FIG4: variants seen among roughly 807,000 people sequenced by gnomAD.
FIG4 encodes polyphosphoinositide phosphatase.
A neutral mutation model predicts 118.6 loss-of-function variants in FIG4; 112 were observed. The observed-to-expected ratio is 0.94, with a 90% CI of 0.81 to 1.11. FIG4 has a LOEUF of 1.11. Among genes scored for constraint, FIG4 ranks in the 50% least tolerant of loss-of-function variants. The pLI is 0.00. For missense variants in FIG4, 969 were observed against 1,111.7 expected (o/e 0.87, Z 1.83); for synonymous variants, 369 against 381.2 (o/e 0.97, Z 0.37).
At chr6:109,782,192 GT>G (rs1380051091) in intron 16 of FIG4, among the ~76,000 whole-genome samples, 5 of 152,156 alleles carry the variant, frequency 3.3e-5, no homozygotes, top group African/African-American at 1.2e-4. Context: ...GCAATCTCCT[GT>G]TTTCTGATCC....
At chr6:109,707,408 CATATAT>C (rs971965187) in intron 1 of FIG4, among the ~76,000 whole-genome samples, 7 of 146,922 alleles carry the variant, frequency 4.8e-5, no homozygotes, top group African/African-American at 1.5e-4. Context: ...CATACATATA[CATATAT>C]ACCTATACAT....
At chr6:109,768,253 T>TAC (rs2128392949) in intron 15 of FIG4, among the ~76,000 whole-genome samples, 1 of 152,182 alleles carries the variant, frequency 6.6e-6, no homozygotes, top group East Asian at 1.9e-4. Flanking sequence ...AAACACTGGA[T>TAC]ACCTAAGGAG....
intron 22 of FIG4, among the ~76,000 whole-genome samples, chr6:109,816,940 G>C (rs1276103937): frequency 1.3e-5 from 2 of 152,218 alleles, no homozygotes; most frequent in African/African-American, 4.8e-5. Flanking sequence ...GAGTTTCCAG[G>C]AGTGACAGCA....
chr6:109,708,393 T>C (rs1248419308), intron 1 of FIG4, among the ~76,000 whole-genome samples: 1 of 152,248 alleles, frequency 6.6e-6, no homozygotes, highest in Non-Finnish European at 1.5e-5. Context: ...GTTGAATCCA[T>C]GTCTTTGCTA....
At chr6:109,759,456 T>C (rs1474009301) in intron 10 of FIG4, among the ~76,000 whole-genome samples, 1 of 152,198 alleles carries the variant, frequency 6.6e-6, no homozygotes, top group Non-Finnish European at 1.5e-5. Context: ...TCTGTCTCAT[T>C]TAAGTCTCAC....
Position 109,793,669 on chromosome 6 carries a change from T to C in FIG4, c.2459+1005T>C, listed in dbSNP as rs548136794. ...AAAATGTAAATTGTATAATATAAAA[T>C]GAGCACTGATCTTCAGTTATTTTTA... On this transcript the variant is annotated intron_variant, in intron 21 of 22. Coordinates refer to ENST00000230124, the MANE Select transcript of FIG4 (RefSeq NM_014845.6). Among the ~76,000 whole-genome samples, 325 of 152,342 alleles carry C rather than the reference T, an allele frequency of 2.1e-3. 2 individuals carry two copies. Among genetic ancestry groups the C allele is most frequent in the African/African-American group, 7.6e-3 (316 of 41,572 alleles).
intron 15 of FIG4, among the ~76,000 whole-genome samples, chr6:109,769,654 C>T (rs981598497): frequency 6.6e-6 from 1 of 151,080 alleles, no homozygotes; most frequent in African/African-American, 2.4e-5. Flanking sequence ...GGCACAGTGG[C>T]TCACACTTGT....
intron 22 of FIG4, among the ~76,000 whole-genome samples, chr6:109,806,582 A>G (rs866517335): frequency 6.6e-6 from 1 of 151,686 alleles, no homozygotes; most frequent in Non-Finnish European, 1.5e-5. Flanking sequence ...CTCTGATTTT[A>G]TAAGGAGTCC....
intron 22 of FIG4, among the ~76,000 whole-genome samples, chr6:109,815,157 G>A (rs1293721367): frequency 1.3e-5 from 2 of 151,860 alleles, no homozygotes; most frequent in Non-Finnish European, 2.9e-5. Flanking sequence ...CATTACCCTC[G>A]TTATGTTTAT....
At position 109,703,299 on chromosome 6, in the gene FIG4, G is replaced by GT. The variant is rs371886029; in HGVS notation, c.67-11770dup. 3.3e-3 allele frequency among the ~76,000 whole-genome samples: 502 copies of GT among 151,094 alleles called. 1 individual carries two copies. Among genetic ancestry groups the GT allele is most frequent in the African/African-American group, 1.0e-2 (411 of 41,162 alleles). On this transcript the variant is annotated intron_variant, in intron 1 of 22. Coordinates refer to ENST00000230124, the MANE Select transcript of FIG4 (RefSeq NM_014845.6). ...GTTCTTGATCTTTAGTTTGAAGCTTGTTTTTTTTTCTTTTCAGAAGCTGTG... is the reference window on the plus strand; with the variant it reads ...GTTCTTGATCTTTAGTTTGAAGCTTGTTTTTTTTTTCTTTTCAGAAGCTGTG...
intron 15 of FIG4, among the ~76,000 whole-genome samples, chr6:109,769,917 T>G (rs751129770): frequency 2.0e-5 from 3 of 152,286 alleles, no homozygotes; most frequent in South Asian, 2.1e-4. Flanking sequence ...AGACTGTCTC[T>G]CAAAAAACAA....
Position 109,738,454 on chromosome 6 carries a change from G to A in FIG4, c.775+1G>A. The A allele has an allele frequency of 6.2e-7, 1 of 1,612,244 alleles. No individual in the cohort carries two copies. The highest frequency in any genetic ancestry group is 1.1e-5 in the South Asian group (1 of 91,064). On this transcript the variant is annotated splice_donor_variant, in intron 7 of 22. Transcript: ENST00000230124. LOFTEE classifies it high-confidence loss of function. Reference sequence around the variant, plus strand: ...ATTCATGGGTTCTGTGGGCAGTCAAGTATCCTTTCTGAAGAAAAAGTAAGA... The same window carrying A: ...ATTCATGGGTTCTGTGGGCAGTCAAATATCCTTTCTGAAGAAAAAGTAAGA...
chr6:109,710,912 A>C (rs1340275472), intron 1 of FIG4, among the ~76,000 whole-genome samples: 3 of 151,842 alleles, frequency 2.0e-5, no homozygotes, highest in African/African-American at 7.3e-5. Context: ...TAGTTTTTAA[A>C]AAAAAAAAAT....
chr6:109,790,139 C>G (rs2128396956), intron 19 of FIG4, among the ~76,000 whole-genome samples: 1 of 152,322 alleles, frequency 6.6e-6, no homozygotes, highest in African/African-American at 2.4e-5. Context: ...TTTGCATCTT[C>G]ATGCTTAAGA....
At chr6:109,770,461 C>A (rs1583709070) in intron 15 of FIG4, among the ~76,000 whole-genome samples, 1 of 152,058 alleles carries the variant, frequency 6.6e-6, no homozygotes, top group East Asian at 1.9e-4. Flanking sequence ...ATGTTCTCAA[C>A]AGGGATCTAA....
chr6:109,742,399 G>A (rs1033788332), intron 8 of FIG4, among the ~76,000 whole-genome samples: 4 of 151,954 alleles, frequency 2.6e-5, no homozygotes, highest in Non-Finnish European at 4.4e-5. Context: ...TGAGTGCTCC[G>A]TCTCTGTTTG....
At chr6:109,755,527 G>T (rs1776861899) in intron 10 of FIG4, among the ~76,000 whole-genome samples, 1 of 152,168 alleles carries the variant, frequency 6.6e-6, no homozygotes, top group South Asian at 2.1e-4. Flanking sequence ...GTCTAATGTT[G>T]ACAGTGGGGT....
Position 109,766,876 on chromosome 6 carries a change from T to C in FIG4, c.1731T>C (p.Tyr577=). ...ACATCATGCAAACCCTGTCTAGATA[T>C]TACAGCAATGCTTTTTCAGGTAATT... ...SKDIMQTLSR[Y]YSNAFSDADR... The change falls in exon 15 of 23, where the codon TAT becomes TAC. Residue 577 remains tyrosine, a synonymous_variant. Transcript: ENST00000230124. 8.7e-6 allele frequency: 14 copies of C among 1,614,062 alleles called. No individual in the cohort carries two copies. The highest frequency in any genetic ancestry group is 1.2e-5 in the Non-Finnish European group (14 of 1,179,936).
chr6:109,713,226 G>A lies in FIG4; in HGVS notation c.67-1852G>A, dbSNP rs978676853. On this transcript the variant is annotated intron_variant, in intron 1 of 22. Transcript: ENST00000230124. ...CTCATTCGCATGTGCCAGTGGCAGC[G>A]AAAGCATGGTGGCTGCAGCAGGATG... is the stretch of plus-strand genomic sequence containing the variant. Among the ~76,000 whole-genome samples the A allele has an allele frequency of 9.2e-5, 14 of 152,324 alleles. 1 individual carries two copies. The South Asian group carries it at 1.7e-3, about 18-fold the overall frequency.
Sources: gnomAD v4.1 joint callset for allele counts (sites outside exome capture counted in the v4.1 genomes callset) on GRCh38, gnomAD v4.1.1 for gene constraint, MANE v1.5 for transcripts, NCBI Gene and HGNC (gene_info 2026-07-23, HGNC 2026-07-21) for gene names.